Variants in RNF213 observed in about 807,000 individuals in gnomAD.
RNF213 encodes E3 ubiquitin-protein ligase RNF213.
Under a neutral mutation model 514.4 loss-of-function variants are expected in RNF213, and 341 were observed. The ratio of observed to expected loss-of-function variants is 0.66; its 90% CI spans 0.61 to 0.73. The LOEUF is 0.73. Among genes scored for constraint, RNF213 ranks in the 30% least tolerant of loss-of-function variants. The probability of loss-of-function intolerance (pLI) is 0.00; values close to 1 mark genes in which losing one functional copy is unlikely to be tolerated. For synonymous variants in RNF213, 2,655 were observed against 2,658.2 expected (o/e 1.00, Z 0.04); for missense variants, 5,767 against 6,615.6 (o/e 0.87, Z 4.45).
intron 63 of RNF213, among the ~76,000 whole-genome samples, chr17:80,387,640 C>G (rs1037299742): frequency 3.3e-5 from 5 of 152,268 alleles, no homozygotes; most frequent in African/African-American, 9.6e-5. Context: ...AAACCCACAT[C>G]TGGCTCTCTT....
intron 3 of RNF213, among the ~76,000 whole-genome samples, chr17:80,286,221 C>T (rs966770604): frequency 1.3e-5 from 2 of 150,428 alleles, no homozygotes; most frequent in Non-Finnish European, 2.9e-5. Context: ...CGGTGTTGGA[C>T]GCAGGCCGAG....
At chr17:80,262,384 T>C (rs1447160247) in intron 1 of RNF213, among the ~76,000 whole-genome samples, 1 of 152,124 alleles carries the variant, frequency 6.6e-6, no homozygotes, top group Non-Finnish European at 1.5e-5. Flanking sequence ...ATGATTGATG[T>C]TTTTATGGCA....
At position 80,364,365 on chromosome 17, in the gene RNF213, C is replaced by T. The variant is rs938419446; in HGVS notation, c.11751-68C>T. ...CCCGCATCTCTTCTCCCGTCTCCCT[C>T]CTCGTTTCACCCTTGGGTTCCTTGG... On this transcript the variant is annotated intron_variant, in intron 41 of 67. Coordinates refer to ENST00000582970, the MANE Select transcript of RNF213 (RefSeq NM_001256071.3). 3.1e-6 allele frequency: 5 copies of T among 1,611,496 alleles called. No homozygotes were observed. The African/African-American group carries it at 5.3e-5, about 17-fold the overall frequency.
At chr17:80,287,484 A>G (rs73444339) in intron 3 of RNF213, among the ~76,000 whole-genome samples, 35,898 of 152,122 alleles carry the variant, frequency 0.24, 5,235 homozygotes, top group African/African-American at 0.41. Context: ...CCTGGGCGAC[A>G]GAGGGAGACC....
chr17:80,280,269 C>T (rs1053855330), intron 3 of RNF213, among the ~76,000 whole-genome samples: 6 of 152,152 alleles, frequency 3.9e-5, no homozygotes, highest in African/African-American at 1.4e-4. Flanking sequence ...ATTCATAGGC[C>T]ATGCGAGGAG....
intron 46 of RNF213, among the ~76,000 whole-genome samples, chr17:80,371,379 G>A (rs1418130310): frequency 6.6e-6 from 1 of 152,258 alleles, no homozygotes; most frequent in Non-Finnish European, 1.5e-5. Flanking sequence ...GCGATGGGGA[G>A]CAGGGCAGGC....
In RNF213 at chr17:80,353,167, C is replaced by T. The variant is rs957036954; in HGVS notation, c.10423+108C>T. ...TAGGAGCAGGGCCACCGTGTTTCGT[C>T]CCTCGGCAGGAGCTCGGGGACACAT... On this transcript the variant is annotated intron_variant, in intron 33 of 67. Transcript: ENST00000582970. This position sits in a 1 kb window ranked among gnomAD's most constrained non-coding sequence, Gnocchi z 5.0. The T allele has an allele frequency of 2.0e-6, 3 of 1,491,048 alleles. No homozygotes were observed. Among genetic ancestry groups the T allele is most frequent in the South Asian group, 1.1e-5 (1 of 88,108 alleles). 92.4% of individuals were successfully genotyped at this position (1,491,048 alleles called of 1,614,324 possible).
rs765529563 is a variant in RNF213, at chr17:80,328,455, G to C, written c.3495G>C (p.Gly1165=). ...TTGATAGTCTCCTGAAGATGTGTGG[G>C]AACGTGAAACATCTGATACAAGGTG... ...RCVDSLLKMC[G]NVKHLIQVDF... is the part of the protein sequence containing the mutation. Residue 1165 remains glycine (G), a synonymous_variant, in exon 20 of 68, where the codon GGG becomes GGC. Coordinates refer to ENST00000582970, the MANE Select transcript of RNF213 (RefSeq NM_001256071.3). 6.5e-7 allele frequency: 1 copy of C among 1,537,220 alleles called. No homozygotes were observed. The highest frequency in any genetic ancestry group is 8.7e-7 in the Non-Finnish European group (1 of 1,146,900).
At position 80,282,243 on chromosome 17, in the gene RNF213, G is replaced by C. The variant is rs568192436; in HGVS notation, c.262-5572G>C. Among the ~76,000 whole-genome samples, 5 of 152,140 alleles carry C rather than the reference G, an allele frequency of 3.3e-5. No individual in the cohort carries two copies. The East Asian group carries it at 9.6e-4, about 29-fold the overall frequency. On this transcript the variant is annotated intron_variant, in intron 3 of 67. Coordinates refer to ENST00000582970, the MANE Select transcript of RNF213 (RefSeq NM_001256071.3). ...GATGCTGTATGAACAGTTGCTACAC[G>C]GTGCGGTGTTGCTCTTTGTGTTCTT...
At chr17:80,308,442 G>A (rs1033150348) in intron 13 of RNF213, among the ~76,000 whole-genome samples, 4 of 151,674 alleles carry the variant, frequency 2.6e-5, no homozygotes, top group Non-Finnish European at 5.9e-5. Flanking sequence ...CTCCTCCTGA[G>A]TCCCTCCTAA....
At chr17:80,356,987 T>C (rs976668596) in intron 36 of RNF213, among the ~76,000 whole-genome samples, 9 of 152,030 alleles carry the variant, frequency 5.9e-5, no homozygotes, top group African/African-American at 1.7e-4. Flanking sequence ...TGGCGCGATT[T>C]TGGCTCACTG....
chr17:80,350,286 T>G lies in RNF213; in HGVS notation c.10089-15T>G, dbSNP rs1009056128. The G allele has an allele frequency of 4.0e-6, 6 of 1,491,128 alleles. No individual in the cohort carries two copies. The African/African-American group carries it at 8.3e-5, about 21-fold the overall frequency. 92.4% of individuals were successfully genotyped at this position (1,491,128 alleles called of 1,614,324 possible). On this transcript the variant is annotated splice_polypyrimidine_tract_variant and intron_variant, in intron 30 of 67. Transcript: ENST00000582970. ...AGACAGAGAACTCACTTGAATAACT[T>G]CCCTTTTCTTTCAGAAACTGTTTAA...
In RNF213 at chr17:80,345,080, A is replaced by G. The variant is rs2078265705; in HGVS notation, c.6745A>G (p.Lys2249Glu). The G allele has an allele frequency of 6.2e-7, 1 of 1,614,082 alleles. No homozygotes were observed. ...FIGDTLRGFKKFVVTFMIFMA... is the reference protein window; with the variant it reads ...FIGDTLRGFKEFVVTFMIFMA... ...TGGCGACACACTGAGGGGCTTCAAG[A>G]AGTTCGTGGTGACCTTCATGATCTT... The change falls in exon 29 of 68, where the codon AAG becomes GAG. Residue 2249 changes from lysine (K) to glutamate (E), a missense_variant. This residue lies in a region of RNF213 where 1,377 missense variants were observed against 1,635.2 expected (regional missense o/e 0.84). Coordinates refer to ENST00000582970, the MANE Select transcript of RNF213 (RefSeq NM_001256071.3). This position sits in a 1 kb window ranked among gnomAD's most constrained non-coding sequence, Gnocchi z 6.0.
chr17:80,290,482 C>CGCACGTGTGTGTGT, intron 6 of RNF213, 88 bp from the exon 7 acceptor site: 3 of 1,502,302 alleles, frequency 2.0e-6, no homozygotes, highest in Non-Finnish European at 2.8e-6. Context: ...CGTGTGTGTG[C>CGCACGTGTGTGTGT]GCACGTGTGT....
At chr17:80,327,737 A>T (rs2046316738) in intron 18 of RNF213, 79 bp from the exon 19 acceptor site, 1 of 1,253,350 alleles carries the variant, frequency 8.0e-7, no homozygotes, top group South Asian at 1.5e-5. Context: ...ACAAGAGGTT[A>T]TCTGGAATTC....
Position 80,273,363 on chromosome 17 carries a change from C to T in RNF213, c.220C>T (p.Pro74Ser). Residue 74 changes from proline (P) to serine (S), a missense_variant, in exon 3 of 68, where the codon CCC becomes TCC. Pro to Ser is a moderately conservative substitution (Grantham distance 74). Coordinates refer to ENST00000582970, the MANE Select transcript of RNF213 (RefSeq NM_001256071.3). ...GGGCTCAGACAGTTGGCAAGAAAACCCCGAGGAGCCCTGTTCCAAAGCCTC... is the reference window on the plus strand; with the variant it reads ...GGGCTCAGACAGTTGGCAAGAAAACTCCGAGGAGCCCTGTTCCAAAGCCTC... Reference protein sequence around the residue: ...FPGSDSWQENPEEPCSKASWT... With the variant: ...FPGSDSWQENSEEPCSKASWT... The T allele has an allele frequency of 6.2e-7, 1 of 1,613,250 alleles. No individual in the cohort carries two copies. Among genetic ancestry groups the T allele is most frequent in the East Asian group, 2.2e-5 (1 of 44,876 alleles).
At position 80,347,068 on chromosome 17, in the gene RNF213, A is replaced by G. The variant is rs757391348; in HGVS notation, c.8733A>G (p.Ile2911Met). 6.2e-7 allele frequency: 1 copy of G among 1,614,090 alleles called. No homozygotes were observed. The change falls in exon 29 of 68, where the codon ATA becomes ATG. Residue 2911 changes from isoleucine to methionine, a missense_variant. Physicochemically the swap from Ile to Met is conservative, Grantham distance 10 (BLOSUM62 1). Transcript: ENST00000582970. This position sits in a 1 kb window ranked among gnomAD's most constrained non-coding sequence, Gnocchi z 7.2. ...GCAGCCCCAACGAGACAGAGCTCAT[A>G]GAGAGCGCCAAGGGCATCTGCTCCT... is the stretch of plus-strand genomic sequence containing the variant. The part of the protein sequence containing the change: ...SRGSPNETEL[I>M]ESAKGICSSD...
rs984481814 is a variant in RNF213 at position 80,347,478 on chromosome 17, A to G, written c.9143A>G (p.Asn3048Ser). ...CGCTACTTACTCGTGCTGACCAAAA[A>G]CTACGTGGCACTGCAGATCCTGCAG... Reference protein sequence around the residue: ...ESRYLLVLTKNYVALQILQQT... With the variant: ...ESRYLLVLTKSYVALQILQQT... The change falls in exon 29 of 68, where the codon AAC becomes AGC. Residue 3048 changes from asparagine (N) to serine (S), a missense_variant. Around this residue, in one of 13 missense-constraint regions of RNF213, gnomAD observed 919 missense variants for 1,121.0 expected, o/e 0.82. Coordinates refer to ENST00000582970, the MANE Select transcript of RNF213 (RefSeq NM_001256071.3). This position sits in a 1 kb window ranked among gnomAD's most constrained non-coding sequence, Gnocchi z 7.2. 1.2e-6 allele frequency: 2 copies of G among 1,613,932 alleles called. No homozygotes were observed. The highest frequency in any genetic ancestry group is 2.7e-5 in the African/African-American group (2 of 74,920).
intron 46 of RNF213, chr17:80,371,640 T>C (rs2079522080): frequency 2.3e-6 from 1 of 432,094 alleles, no homozygotes; most frequent in Non-Finnish European, 4.2e-6. Flanking sequence ...TTTAAGACTA[T>C]AAAGGGGTCC....
Sources: gnomAD v4.1 joint callset for allele counts (sites outside exome capture counted in the v4.1 genomes callset) on GRCh38, gnomAD v4.1.1 for gene constraint, gnomAD v4.1.1 regional missense constraint, Gnocchi (gnomAD v3.1) non-coding constraint, MANE v1.5 for transcripts, NCBI Gene and HGNC (gene_info 2026-07-23, HGNC 2026-07-21) for gene names.